Variants in TLR6 observed in about 807,000 individuals in gnomAD.
TLR6 encodes toll-like receptor 6.
In TLR6, 9 loss-of-function variants were observed where a neutral mutation model predicts 16.1. The observed-to-expected ratio is 0.56, with a 90% CI of 0.34 to 0.98. The LOEUF (loss-of-function observed/expected upper bound fraction) is 0.98, where lower values mean the gene tolerates loss of function less well. TLR6 is among the 50% of genes least tolerant of loss of function. The pLI, the probability that TLR6 is intolerant of heterozygous loss-of-function variation, is 0.02. For synonymous variants in TLR6, 340 were observed against 338.6 expected, an observed-to-expected ratio of 1.00 and a Z score of -0.04; for missense variants, 786 against 921.0, an observed-to-expected ratio of 0.85 and a Z score of 1.90.
upstream of TLR6, among the ~76,000 whole-genome samples, chr4:38,856,980 C>T (rs911336685): frequency 2.6e-5 from 4 of 152,154 alleles, no homozygotes; most frequent in African/African-American, 9.7e-5. Context: ...ACAGACAAAA[C>T]CAGTAATCCA....
intron 1 of TLR6, among the ~76,000 whole-genome samples, chr4:38,855,678 GCTGTCCTTATGGTATC>G (rs1156554702): frequency 6.6e-6 from 1 of 152,184 alleles, no homozygotes; most frequent in Non-Finnish European, 1.5e-5. Flanking sequence ...AAGCTGGTCA[GCTGTCCTTATGGTATC>G]CTGCCACAAA....
At chr4:38,846,247 G>C (rs1712526321) in intron 1 of TLR6, among the ~76,000 whole-genome samples, 2 of 152,132 alleles carry the variant, frequency 1.3e-5, no homozygotes, top group Admixed American at 1.3e-4. Context: ...CAGAAAGCAA[G>C]TACCATAATA....
At chr4:38,847,931 A>G (rs1712600980) in intron 1 of TLR6, among the ~76,000 whole-genome samples, 1 of 152,222 alleles carries the variant, frequency 6.6e-6, no homozygotes, top group African/African-American at 2.4e-5. Context: ...CTTTGAAGAG[A>G]GTAGTGGTTC....
At chr4:38,840,897 G>C (rs1459528457) in intron 1 of TLR6, among the ~76,000 whole-genome samples, 6 of 152,198 alleles carry the variant, frequency 3.9e-5, no homozygotes. Flanking sequence ...GAGGAGAACA[G>C]TGCCCTGAAA....
At chr4:38,829,016 A>G in exon 2 of TLR6, 1 of 1,614,148 alleles carries the variant, frequency 6.2e-7, no homozygotes, top group Non-Finnish European at 8.5e-7. Flanking sequence ...CATAGCACTC[A>G]ATCCCAAGAA....
the TLR6 span, among the ~76,000 whole-genome samples, chr4:38,866,975 AC>A: frequency 6.6e-6 from 1 of 152,244 alleles, no homozygotes; most frequent in Non-Finnish European, 1.5e-5. Context: ...ATTTCCTCCG[AC>A]TTTTATAGAA....
exon 1 of TLR6, chr4:38,856,769 C>G (rs1315055068): frequency 6.6e-6 from 1 of 152,196 alleles, no homozygotes; most frequent in Non-Finnish European, 1.5e-5. Context: ...ACCAAGATCT[C>G]TTTTTCAGAA....
intron 1 of TLR6, among the ~76,000 whole-genome samples, chr4:38,854,415 T>C (rs1360190341): frequency 6.6e-6 from 1 of 152,214 alleles, no homozygotes; most frequent in African/African-American, 2.4e-5. Context: ...AATAAAGCTT[T>C]TAGAAATAGG....
intron 1 of TLR6, among the ~76,000 whole-genome samples, chr4:38,850,419 C>CA (rs1433678456): frequency 2.0e-5 from 3 of 152,024 alleles, no homozygotes; most frequent in African/African-American, 4.8e-5. Flanking sequence ...AAACACCCTT[C>CA]AAAAAATCAA....
the TLR6 span, chr4:38,867,725 C>CG: frequency 6.6e-6 from 1 of 150,962 alleles, no homozygotes; most frequent in Admixed American, 6.6e-5. Flanking sequence ...GCAGGCGGGG[C>CG]GGGGCCCCCT....
chr4:38,858,796 AGAGAGAGAGAGAGAGAGG>A (rs1713105141), upstream of TLR6, among the ~76,000 whole-genome samples: 5 of 70,056 alleles, frequency 7.1e-5, no homozygotes, highest in Non-Finnish European at 1.3e-4. Context: ...AGAGAGGGAG[AGAGAGAGAGAGAGAGAGG>A]GAGAGAGAGA....
At chr4:38,834,081 T>C (rs55949304) in intron 1 of TLR6, among the ~76,000 whole-genome samples, 22,218 of 148,672 alleles carry the variant, frequency 0.15, 2,231 homozygotes, top group Middle Eastern at 0.4. Context: ...AAAAAAAAAT[T>C]ACAAAAATTA....
intron 1 of TLR6, among the ~76,000 whole-genome samples, chr4:38,841,798 G>T (rs896866022): frequency 6.6e-6 from 1 of 152,116 alleles, no homozygotes; most frequent in South Asian, 2.1e-4. Context: ...TTGTGAGTAC[G>T]GTTCATCTGT....
intron 1 of TLR6, among the ~76,000 whole-genome samples, chr4:38,834,025 G>A (rs190969882): frequency 1.3e-5 from 2 of 150,878 alleles, no homozygotes; most frequent in African/African-American, 2.4e-5. Context: ...TCAGGAGTTC[G>A]AGACCAGCCT....
At chr4:38,851,538 G>C (rs541774743) in intron 1 of TLR6, among the ~76,000 whole-genome samples, 16 of 152,310 alleles carry the variant, frequency 1.1e-4, no homozygotes, top group Admixed American at 1.0e-3. Flanking sequence ...CTTCAGCAAA[G>C]TCTCAGGATA....
At chr4:38,860,971 G>C (rs535825363), upstream of TLR6, among the ~76,000 whole-genome samples, 1 of 152,158 alleles carries the variant, frequency 6.6e-6, no homozygotes, top group South Asian at 2.1e-4. Context: ...CCATTTCATT[G>C]TAACCCCATG....
chr4:38,865,289 C>G, the TLR6 span, among the ~76,000 whole-genome samples: 3 of 152,128 alleles, frequency 2.0e-5, no homozygotes, highest in African/African-American at 7.2e-5. Context: ...TTTAAATGAA[C>G]TTAAAATGTT....
At chr4:38,856,731 T>G (rs1486504568) in intron 1 of TLR6, 30 bp downstream of exon 1, 5 of 152,238 alleles carry the variant, frequency 3.3e-5, no homozygotes, top group Non-Finnish European at 1.5e-5. Context: ...TGCCATAATG[T>G]GAAAAAGCCA....
At chr4:38,847,081 A>T (rs1350833447) in intron 1 of TLR6, among the ~76,000 whole-genome samples, 2 of 152,216 alleles carry the variant, frequency 1.3e-5, no homozygotes, top group African/African-American at 4.8e-5. Flanking sequence ...ACAATAATTC[A>T]ATTGAGTAAG....
Sources: gnomAD v4.1 joint callset for allele counts (sites outside exome capture counted in the v4.1 genomes callset) on GRCh38, gnomAD v4.1.1 for gene constraint, MANE v1.5 for transcripts, NCBI Gene and HGNC (gene_info 2026-07-23, HGNC 2026-07-21) for gene names.